Variants in CADPS2 observed in about 807,000 individuals in gnomAD.
CADPS2 encodes the protein calcium-dependent secretion activator 2.
In CADPS2, 93 loss-of-function variants were observed where a neutral mutation model predicts 172.5. The observed-to-expected ratio is 0.54, with a 90% CI of 0.46 to 0.64. The LOEUF (loss-of-function observed/expected upper bound fraction) is 0.64. Among genes scored for constraint, CADPS2 ranks in the 30% least tolerant of loss-of-function variants. The pLI is 0.00. For synonymous variants in CADPS2, 546 were observed against 555.2 expected (o/e 0.98, Z 0.23); for missense variants, 1,420 against 1,565.9 (o/e 0.91, Z 1.57).
chr7:122,429,068 G>A (rs2049548891), intron 17 of CADPS2, among the ~76,000 whole-genome samples: 2 of 151,966 alleles, frequency 1.3e-5, no homozygotes, highest in Admixed American at 1.3e-4. Context: ...TATTATTAGA[G>A]TCTTCAAGGA....
intron 1 of CADPS2, among the ~76,000 whole-genome samples, chr7:122,809,204 A>T (rs1416200238): frequency 1.3e-5 from 2 of 152,188 alleles, no homozygotes; most frequent in Admixed American, 1.3e-4. Context: ...GTCTAAGACA[A>T]AAGTGTGCTC....
intron 11 of CADPS2, among the ~76,000 whole-genome samples, chr7:122,484,477 C>T (rs1215354320): frequency 7.0e-6 from 1 of 143,504 alleles, no homozygotes; most frequent in African/African-American, 2.6e-5. Flanking sequence ...TGATGGATAC[C>T]TCTCACCATA....
intron 6 of CADPS2, among the ~76,000 whole-genome samples, chr7:122,597,773 G>T (rs372608055): frequency 9.9e-5 from 15 of 152,114 alleles, no homozygotes; most frequent in Admixed American, 3.3e-4. Context: ...ATCAAGTAAC[G>T]TATCTGATAT....
chr7:122,338,419 C>T (rs925815204), intron 28 of CADPS2, among the ~76,000 whole-genome samples: 2 of 151,856 alleles, frequency 1.3e-5, no homozygotes, highest in Non-Finnish European at 2.9e-5. Flanking sequence ...AACAAACAAA[C>T]AAATAAATAA....
intron 11 of CADPS2, 66 bp downstream of exon 11, chr7:122,490,015 T>C: frequency 1.5e-6 from 2 of 1,336,724 alleles, no homozygotes; most frequent in Non-Finnish European, 2.1e-6. Flanking sequence ...TGAATACATT[T>C]GCCTCAATTT....
At chr7:122,497,010 G>T (rs72607712) in intron 9 of CADPS2, among the ~76,000 whole-genome samples, 9,461 of 152,022 alleles carry the variant, frequency 0.062, 354 homozygotes, top group South Asian at 0.18. Flanking sequence ...ACCTGGGATT[G>T]TTACTTCTTT....
At chr7:122,358,247 T>C (rs1199454536) in intron 27 of CADPS2, among the ~76,000 whole-genome samples, 1 of 152,166 alleles carries the variant, frequency 6.6e-6, no homozygotes, top group Non-Finnish European at 1.5e-5. Flanking sequence ...TTTCATAAGC[T>C]TACTTGGTAT....
intron 3 of CADPS2, among the ~76,000 whole-genome samples, chr7:122,632,739 C>A (rs1443328754): frequency 6.6e-6 from 1 of 152,110 alleles, no homozygotes; most frequent in Non-Finnish European, 1.5e-5. Flanking sequence ...ACTGTAATTG[C>A]TTTTGTGGAC....
intron 16 of CADPS2, among the ~76,000 whole-genome samples, chr7:122,439,215 T>A (rs1164638882): frequency 6.6e-6 from 1 of 152,196 alleles, no homozygotes; most frequent in Admixed American, 6.6e-5. Context: ...ATTCAAAATG[T>A]AATGTATTTA....
chr7:122,879,373 C>T (rs1162273785), intron 1 of CADPS2, among the ~76,000 whole-genome samples: 1 of 150,834 alleles, frequency 6.6e-6, no homozygotes, highest in African/African-American at 2.4e-5. Flanking sequence ...CCGTCTCTAC[C>T]AAAAATACAA....
chr7:122,328,151 ACACACACACG>A (rs1288723151), intron 28 of CADPS2, among the ~76,000 whole-genome samples: 216 of 147,730 alleles, frequency 1.5e-3, no homozygotes, highest in African/African-American at 5.0e-3. Flanking sequence ...ACACACACAC[ACACACACACG>A]CACGCACACA....
intron 1 of CADPS2, among the ~76,000 whole-genome samples, chr7:122,770,693 T>C (rs956229607): frequency 6.6e-6 from 1 of 152,180 alleles, no homozygotes; most frequent in African/African-American, 2.4e-5. Flanking sequence ...TTAAGGAACA[T>C]GGCCCAGCTT....
At chr7:122,698,935 T>C (rs2085596004) in intron 2 of CADPS2, 2 of 1,541,656 alleles carry the variant, frequency 1.3e-6, no homozygotes, top group Non-Finnish European at 1.7e-6. Context: ...CTTCTCCGAG[T>C]GACTTAAGAA....
intron 9 of CADPS2, among the ~76,000 whole-genome samples, chr7:122,503,730 G>A (rs901466712): frequency 3.3e-5 from 5 of 151,834 alleles, no homozygotes; most frequent in Non-Finnish European, 7.4e-5. Flanking sequence ...TCATTCATCC[G>A]TGCACTTATT....
In CADPS2 at chr7:122,474,445, A is replaced by C; in HGVS notation, c.1934T>G (p.Phe645Cys). The C allele has an allele frequency of 6.2e-7, 1 of 1,613,484 alleles. No individual in the cohort carries two copies. Among genetic ancestry groups the C allele is most frequent in the Admixed American group, 1.7e-5 (1 of 59,972 alleles). The change falls in exon 13 of 30, where the codon TTC becomes TGC. Residue 645 changes from phenylalanine to cysteine, a missense_variant. By Grantham distance (205) the Phe-to-Cys change is radical. Transcript: ENST00000449022. ...SANPCKLDHA[F>C]LFRILQRQTL... The stretch of plus-strand genomic sequence containing the variant: ...CTGCCTCTGGAGTATTCTAAAAAGG[A>C]AGGCATGATCAAGCTTGCAGGGGTT...
At chr7:122,885,275 T>C (rs981321) in intron 1 of CADPS2, among the ~76,000 whole-genome samples, 27,363 of 152,042 alleles carry the variant, frequency 0.18, 3,095 homozygotes, top group African/African-American at 0.32. Flanking sequence ...AAGCATTTTG[T>C]TCCCCAAAAA....
chr7:122,621,197 CATCTT>C (rs2075571390), intron 5 of CADPS2, among the ~76,000 whole-genome samples: 1 of 152,064 alleles, frequency 6.6e-6, no homozygotes, highest in South Asian at 2.1e-4. Context: ...CCCCAATGCT[CATCTT>C]ATTTTATCAG....
intron 8 of CADPS2, among the ~76,000 whole-genome samples, chr7:122,527,619 T>TGA (rs1391122366): frequency 8.3e-5 from 6 of 72,276 alleles, no homozygotes; most frequent in African/African-American, 3.1e-4. Context: ...AGAGAGAGAG[T>TGA]GTGTGTGTGT....
intron 8 of CADPS2, among the ~76,000 whole-genome samples, chr7:122,535,158 T>G (rs889314191): frequency 1.3e-5 from 2 of 152,126 alleles, no homozygotes; most frequent in Admixed American, 1.3e-4. Flanking sequence ...GAACTGACAG[T>G]GATCACTTAA....
Sources: gnomAD v4.1 joint callset for allele counts (sites outside exome capture counted in the v4.1 genomes callset) on GRCh38, gnomAD v4.1.1 for gene constraint, MANE v1.5 for transcripts, NCBI Gene and HGNC (gene_info 2026-07-23, HGNC 2026-07-21) for gene names.